MDN1: variants seen among roughly 807,000 people sequenced by gnomAD.
MDN1 encodes the protein midasin.
Under a neutral mutation model 669.2 loss-of-function variants are expected in MDN1, and 266 were observed. The observed-to-expected ratio is 0.40, with a 90% CI of 0.36 to 0.44. The LOEUF is 0.44. Among genes scored for constraint, MDN1 ranks in the 20% least tolerant of loss-of-function variants. The pLI is 1.00. For missense variants in MDN1, 5,940 were observed against 6,754.0 expected (o/e 0.88, Z 4.22); for synonymous variants, 2,385 against 2,457.1 (o/e 0.97, Z 0.87).
chr6:89,817,901 C>T (rs561658458), intron 1 of MDN1, among the ~76,000 whole-genome samples: 23 of 152,314 alleles, frequency 1.5e-4, no homozygotes, highest in South Asian at 8.3e-4. Context: ...GGCCTTGATG[C>T]ACTAGATGCT....
intron 9 of MDN1, 122 bp from the exon 10 acceptor site, chr6:89,781,714 G>A (rs1818683607): frequency 3.8e-6 from 3 of 782,112 alleles, no homozygotes; most frequent in Admixed American, 2.9e-5. Flanking sequence ...TGTTCACTGG[G>A]GGACGGTAGC....
intron 1 of MDN1, among the ~76,000 whole-genome samples, chr6:89,806,715 C>T (rs1237885281): frequency 6.6e-6 from 1 of 151,520 alleles, no homozygotes; most frequent in Non-Finnish European, 1.5e-5. Context: ...GAGTGAGACT[C>T]CACCTCAATA....
chr6:89,750,314 A>G, intron 24 of MDN1, 40 bp downstream of exon 24: 1 of 1,540,570 alleles, frequency 6.5e-7, no homozygotes, highest in Non-Finnish European at 8.9e-7. Context: ...TGTGTGAAAG[A>G]ATAAACACCT....
chr6:89,819,631 G>A lies in MDN1; in HGVS notation c.-24C>T. The A allele has an allele frequency of 1.3e-6, 2 of 1,588,386 alleles. No homozygotes were observed. The highest frequency in any genetic ancestry group is 1.1e-5 in the South Asian group (1 of 90,828). ...ATGACCCAGGGCCCTCACCCCGAGC[G>A]GCCACCTGCGCTCCCTACTTCGCGG... On this transcript the variant is annotated 5_prime_UTR_variant, in exon 1 of 102. Transcript: ENST00000369393.
rs200246220 is a variant in MDN1 at position 89,762,522 on chromosome 6, G to A, written c.2153C>T (p.Pro718Leu). The A allele has an allele frequency of 4.8e-5, 77 of 1,609,394 alleles. No individual in the cohort carries two copies. The highest frequency in any genetic ancestry group is 3.3e-4 in the Middle Eastern group (2 of 6,068). ...TAGCCAAATAAGCTTATGGTCCACC[G>A]GTTTATAACTGAAACAGACACAGGT... is the stretch of plus-strand genomic sequence containing the variant. ...DTADLLGGYKPVDHKLIWLPL... is the reference protein window; with the variant it reads ...DTADLLGGYKLVDHKLIWLPL... Residue 718 changes from proline to leucine, a missense_variant, in exon 16 of 102, where the codon CCG becomes CTG. By Grantham distance (98) the Pro-to-Leu change is moderately conservative. Coordinates refer to ENST00000369393, the MANE Select transcript of MDN1 (RefSeq NM_014611.3).
intron 27 of MDN1, among the ~76,000 whole-genome samples, chr6:89,746,260 T>A (rs948505202): frequency 6.6e-6 from 1 of 152,156 alleles, no homozygotes; most frequent in South Asian, 2.1e-4. Flanking sequence ...ATACTTTACA[T>A]GGGAAAATGC....
chr6:89,670,556 C>T (rs1810680548), intron 83 of MDN1, among the ~76,000 whole-genome samples: 1 of 152,026 alleles, frequency 6.6e-6, no homozygotes, highest in South Asian at 2.1e-4. Context: ...ACTTAATAGC[C>T]TTAAGGGTTT....
rs558610273 is a variant in MDN1 at position 89,680,064 on chromosome 6, G to A, written c.12265+525C>T. ...GTAGATGGGGTGAAGGAGGTAGTCAGAGGCTGCCAGGGGCCCAAACATTCT... is the reference window on the plus strand; with the variant it reads ...GTAGATGGGGTGAAGGAGGTAGTCAAAGGCTGCCAGGGGCCCAAACATTCT... On this transcript the variant is annotated intron_variant, in intron 74 of 101. Coordinates refer to ENST00000369393, the MANE Select transcript of MDN1 (RefSeq NM_014611.3). 5.1e-4 allele frequency among the ~76,000 whole-genome samples: 78 copies of A among 152,350 alleles called. 1 individual carries two copies. The highest frequency in any genetic ancestry group is 1.8e-3 in the African/African-American group (76 of 41,580).
At chr6:89,650,683 C>G in intron 96 of MDN1, 49 bp downstream of exon 96, 1 of 1,399,360 alleles carries the variant, frequency 7.1e-7, no homozygotes, top group Non-Finnish European at 1.0e-6. Flanking sequence ...ATCAATGAAG[C>G]TGCCGTCTTC....
intron 53 of MDN1, 131 bp from the exon 54 acceptor site, chr6:89,702,192 C>G (rs1813205747): frequency 1.3e-6 from 1 of 789,578 alleles, no homozygotes; most frequent in African/African-American, 1.8e-5. Flanking sequence ...GCTATAATTG[C>G]TAATCAATGC....
chr6:89,766,987 T>A (rs895559673), intron 15 of MDN1, among the ~76,000 whole-genome samples: 1 of 152,172 alleles, frequency 6.6e-6, no homozygotes, highest in Non-Finnish European at 1.5e-5. Flanking sequence ...TATCACTGTT[T>A]CTCCCTCAGA....
chr6:89,783,917 G>A (rs1233678104), intron 9 of MDN1, among the ~76,000 whole-genome samples: 2 of 151,854 alleles, frequency 1.3e-5, no homozygotes, highest in Admixed American at 6.6e-5. Flanking sequence ...GGGAGGCGGA[G>A]GTTGCAGCGA....
chr6:89,804,454 G>A (rs539144824), intron 1 of MDN1, among the ~76,000 whole-genome samples: 3 of 152,038 alleles, frequency 2.0e-5, no homozygotes, highest in South Asian at 2.1e-4. Context: ...AAAGCTACAC[G>A]ACTTATCTGA....
chr6:89,815,144 T>C (rs987429965), intron 1 of MDN1: 2 of 384,000 alleles, frequency 5.2e-6, no homozygotes, highest in Admixed American at 7.3e-5. Context: ...TACAGACCCC[T>C]GTGCATCACC....
chr6:89,756,357 G>C lies in MDN1; in HGVS notation c.2736C>G (p.Ser912Arg). ...CAATAAGAACCTGTAAGTCTTCTTT[G>C]CTTTCTAATTCTTCTACATAAAGTT... ...FTELYVEELE[S>R]KEDLQVLIVD... Residue 912 changes from serine to arginine, a missense_variant, in exon 20 of 102, where the codon AGC (serine) becomes AGG (arginine). Ser to Arg is a moderately radical substitution (Grantham distance 110). This residue lies in a region of MDN1 where 1,203 missense variants were observed against 1,268.9 expected (regional missense o/e 0.95). Transcript: ENST00000369393. The C allele has an allele frequency of 6.3e-7, 1 of 1,596,544 alleles. No homozygotes were observed. The highest frequency in any genetic ancestry group is 8.6e-7 in the Non-Finnish European group (1 of 1,169,522).
Position 89,701,675 on chromosome 6 carries a change from A to T in MDN1, c.8310T>A (p.Tyr2770Ter), listed in dbSNP as rs1321552913. Residue 2770 changes from tyrosine to a stop codon, truncating the protein, a stop_gained, in exon 55 of 102, where the codon TAT becomes TAA. Transcript: ENST00000369393. LOFTEE classifies it high-confidence loss of function. Reference sequence around the variant, plus strand: ...CTGAGACAGTCTGAACTTCTTTGTAATATCTTTAAAGGAGAACAAGGGCAC... The same window carrying T: ...CTGAGACAGTCTGAACTTCTTTGTATTATCTTTAAAGGAGAACAAGGGCAC... ...PRLLMNYEDK[Y>*]YKEVQTVSEH... is the part of the protein sequence containing the mutation. 1 of 1,613,654 alleles carries T rather than the reference A, an allele frequency of 6.2e-7. No individual in the cohort carries two copies. Among genetic ancestry groups the T allele is most frequent in the Non-Finnish European group, 8.5e-7 (1 of 1,179,888 alleles).
chr6:89,654,539 C>T (rs1475368748), intron 92 of MDN1, among the ~76,000 whole-genome samples: 1 of 152,136 alleles, frequency 6.6e-6, no homozygotes, highest in African/African-American at 2.4e-5. Flanking sequence ...CTGTTCCCTA[C>T]CCCCTACAGA....
chr6:89,792,090 G>C (rs990181658), intron 5 of MDN1, among the ~76,000 whole-genome samples: 2 of 151,736 alleles, frequency 1.3e-5, no homozygotes, highest in Non-Finnish European at 2.9e-5. Flanking sequence ...GGATGGTCTC[G>C]ATCTCCTGAC....
Position 89,789,850 on chromosome 6 carries a change from G to T in MDN1, c.1160C>A (p.Thr387Asn). Residue 387 changes from threonine (T) to asparagine (N), a missense_variant, in exon 7 of 102, where the codon ACC becomes AAC. Around this residue, in one of 5 missense-constraint regions of MDN1, gnomAD observed 1,203 missense variants for 1,268.9 expected, o/e 0.95. Coordinates refer to ENST00000369393, the MANE Select transcript of MDN1 (RefSeq NM_014611.3). ...VPGEFVWQPG[T>N]LTQAATMGHW... ...GCCCATTGTGGCTGCCTGTGTCAGG[G>T]TGCCAGGCTGCCACACAAACTCTCC... 6.2e-7 allele frequency: 1 copy of T among 1,614,086 alleles called. No individual in the cohort carries two copies. The highest frequency in any genetic ancestry group is 8.5e-7 in the Non-Finnish European group (1 of 1,180,000).
Sources: gnomAD v4.1 joint callset for allele counts (sites outside exome capture counted in the v4.1 genomes callset) on GRCh38, gnomAD v4.1.1 for gene constraint, gnomAD v4.1.1 regional missense constraint, MANE v1.5 for transcripts, NCBI Gene and HGNC (gene_info 2026-07-23, HGNC 2026-07-21) for gene names.